TRIM37: variants seen among roughly 807,000 people sequenced by gnomAD.
TRIM37 encodes tripartite motif containing 37.
A neutral mutation model predicts 129.8 loss-of-function variants in TRIM37; 80 were observed. The observed-to-expected ratio is 0.62, with a 90% CI of 0.51 to 0.74. The LOEUF is 0.74. Among genes scored for constraint, TRIM37 ranks in the 30% least tolerant of loss-of-function variants. The pLI is 0.00. For missense variants in TRIM37, 1,054 were observed against 1,176.5 expected (o/e 0.90, Z 1.52); for synonymous variants, 389 against 387.1 (o/e 1.00, Z -0.06).
At chr17:59,039,656 G>C (rs1416997909) in intron 17 of TRIM37, among the ~76,000 whole-genome samples, 1 of 151,800 alleles carries the variant, frequency 6.6e-6, no homozygotes, top group South Asian at 2.1e-4. Flanking sequence ...AGGATGGCCA[G>C]TCTTTATAAG....
chr17:59,066,343 A>G lies in TRIM37; in HGVS notation c.810-1938T>C, dbSNP rs566867056. Among the ~76,000 whole-genome samples the G allele has an allele frequency of 1.2e-4, 18 of 152,342 alleles. No homozygotes were observed. In the South Asian group the frequency reaches 3.7e-3, roughly 32 times the overall value. On this transcript the variant is annotated intron_variant, in intron 9 of 23. Transcript: ENST00000262294. ...TCCACAACATGCAAAGACTTTAATCAATCCCCAGTTGCCTGCTAATCTGCA... is the reference window on the plus strand; with the variant it reads ...TCCACAACATGCAAAGACTTTAATCGATCCCCAGTTGCCTGCTAATCTGCA...
intron 19 of TRIM37, among the ~76,000 whole-genome samples, chr17:59,019,821 T>C (rs1344251054): frequency 6.6e-6 from 1 of 152,140 alleles, no homozygotes; most frequent in Non-Finnish European, 1.5e-5. Context: ...TTTGGAGTTC[T>C]AGGGAGAGGG....
At chr17:59,062,509 C>A in intron 11 of TRIM37, 58 bp downstream of exon 11, 1 of 1,384,100 alleles carries the variant, frequency 7.2e-7, no homozygotes, top group South Asian at 1.2e-5. Context: ...TAGTATACTA[C>A]AGAACTCTGA....
At chr17:59,091,218 G>A in intron 3 of TRIM37, 82 bp downstream of exon 3, 3 of 1,047,924 alleles carry the variant, frequency 2.9e-6, no homozygotes, top group South Asian at 1.4e-5. Context: ...CAGACTGCAG[G>A]AAAACTGCCT....
At chr17:59,020,286 T>C (rs1021183027) in intron 19 of TRIM37, among the ~76,000 whole-genome samples, 1 of 36,408 alleles carries the variant, frequency 2.7e-5, no homozygotes, top group African/African-American at 1.1e-4. Context: ...AAAGCAGAAA[T>C]ATAATGAAAT....
intron 19 of TRIM37, among the ~76,000 whole-genome samples, chr17:59,025,957 C>T (rs1448641932): frequency 2.0e-5 from 3 of 152,126 alleles, no homozygotes; most frequent in Non-Finnish European, 1.5e-5. Context: ...TTTATTCATT[C>T]TACTAAATTG....
intron 13 of TRIM37, among the ~76,000 whole-genome samples, chr17:59,055,022 C>T (rs2040702394): frequency 6.6e-6 from 1 of 151,900 alleles, no homozygotes; most frequent in East Asian, 2.0e-4. Context: ...GTAAATACTA[C>T]ACCAACAATC....
In TRIM37 at chr17:59,051,277, C is replaced by T. The variant is rs1203463365; in HGVS notation, c.1251G>A (p.Trp417Ter). Residue 417 changes from tryptophan (W) to a stop codon, truncating the protein, a stop_gained, in exon 14 of 24, where the codon TGG becomes TGA. Coordinates refer to ENST00000262294, the MANE Select transcript of TRIM37 (RefSeq NM_015294.6). LOFTEE classifies it high-confidence loss of function. Reference sequence around the variant, plus strand: ...GTGCAGCTTCCAACTGAGTAATGTACCAATGCTGGTCCCGGGATTTTTGAA... The same window carrying T: ...GTGCAGCTTCCAACTGAGTAATGTATCAATGCTGGTCCCGGGATTTTTGAA... ...TFFQKSRDQH[W>*]YITQLEAAQT... 6.2e-7 allele frequency: 1 copy of T among 1,613,724 alleles called. No individual in the cohort carries two copies. Among genetic ancestry groups the T allele is most frequent in the East Asian group, 2.2e-5 (1 of 44,822 alleles).
intron 9 of TRIM37, among the ~76,000 whole-genome samples, chr17:59,070,105 GATTA>G (rs752915810): frequency 3.1e-4 from 47 of 152,176 alleles, no homozygotes; most frequent in Admixed American, 5.9e-4. Flanking sequence ...ACCCAGCACT[GATTA>G]ATTTTCAGCC....
intron 3 of TRIM37, 102 bp from the exon 4 acceptor site, chr17:59,088,509 A>G: frequency 2.6e-6 from 2 of 783,014 alleles, no homozygotes; most frequent in Non-Finnish European, 4.4e-6. Flanking sequence ...TACTCATACC[A>G]TAACACTATT....
intron 19 of TRIM37, among the ~76,000 whole-genome samples, chr17:59,027,364 C>T (rs1350811075): frequency 2.0e-5 from 3 of 152,122 alleles, no homozygotes. Context: ...TAGAACTTTC[C>T]TAAAATTCTA....
At chr17:58,969,471 C>A in the TRIM37 span, 1 of 1,454,914 alleles carries the variant, frequency 6.9e-7, no homozygotes, top group Non-Finnish European at 9.7e-7. Context: ...ACAATGATGC[C>A]AGGAGATTGG....
chr17:59,074,788 A>G (rs187181711), intron 8 of TRIM37, among the ~76,000 whole-genome samples: 154 of 152,324 alleles, frequency 1.0e-3, no homozygotes, highest in Non-Finnish European at 1.8e-3. Flanking sequence ...AATGTATCAG[A>G]TATTTATGCA....
intron 22 of TRIM37, among the ~76,000 whole-genome samples, chr17:59,003,059 T>G (rs1314137204): frequency 2.0e-5 from 3 of 152,146 alleles, no homozygotes; most frequent in Non-Finnish European, 4.4e-5. Context: ...AATTTGTTAG[T>G]AGACATGGGA....
chr17:59,007,086 G>T (rs1213675221), intron 22 of TRIM37, among the ~76,000 whole-genome samples: 1 of 150,720 alleles, frequency 6.6e-6, no homozygotes, highest in East Asian at 2.0e-4. Context: ...ACATCTTACC[G>T]CCCTGAGAAG....
chr17:59,056,759 T>G, intron 13 of TRIM37, 116 bp downstream of exon 13: 1 of 456,398 alleles, frequency 2.2e-6, no homozygotes, highest in Non-Finnish European at 4.1e-6. Context: ...GTGATAAGGT[T>G]ATAGTTAGTA....
chr17:59,022,646 T>C (rs1443498637), intron 19 of TRIM37, among the ~76,000 whole-genome samples: 2 of 152,204 alleles, frequency 1.3e-5, no homozygotes, highest in African/African-American at 4.8e-5. Context: ...AGTCAATGCA[T>C]GTGACTTAGA....
intron 8 of TRIM37, among the ~76,000 whole-genome samples, chr17:59,074,396 T>C (rs1206040403): frequency 6.6e-6 from 1 of 152,174 alleles, no homozygotes. Flanking sequence ...GCCCTACAGA[T>C]ATATATGTGT....
At chr17:59,050,589 G>A (rs1009595914) in intron 14 of TRIM37, among the ~76,000 whole-genome samples, 2 of 152,022 alleles carry the variant, frequency 1.3e-5, no homozygotes, top group Non-Finnish European at 2.9e-5. Context: ...GGCTAAGGTG[G>A]GAAGATCACC....
Sources: allele counts gnomAD v4.1 joint callset (sites outside exome capture counted in the v4.1 genomes callset), GRCh38; gene constraint gnomAD v4.1.1; transcripts MANE v1.5; gene names NCBI Gene and HGNC (gene_info 2026-07-23, HGNC 2026-07-21).